NCKAP5: variants seen among roughly 807,000 people sequenced by gnomAD.
The protein encoded by NCKAP5 is NCK associated protein 5.
NCKAP5 carries 92 observed loss-of-function variants against 167.0 expected under a neutral mutation model. The ratio of observed to expected loss-of-function variants is 0.55; its 90% confidence interval spans 0.47 to 0.66. NCKAP5 has a LOEUF of 0.66. Among genes scored for constraint, NCKAP5 ranks in the 30% least tolerant of loss-of-function variants. The pLI, the probability that NCKAP5 is intolerant of heterozygous loss-of-function variation, is 0.00. For synonymous variants in NCKAP5, 891 were observed against 877.4 expected (o/e 1.02, Z -0.27); for missense variants, 2,378 against 2,315.0 (o/e 1.03, Z -0.56).
the NCKAP5 span, among the ~76,000 whole-genome samples, chr2:133,600,525 A>G: frequency 6.6e-6 from 1 of 152,248 alleles, no homozygotes; most frequent in Non-Finnish European, 1.5e-5. Context: ...ACTGGAGCAG[A>G]GCTGACTGCG....
chr2:133,652,563 T>C, the NCKAP5 span, among the ~76,000 whole-genome samples: 120 of 152,356 alleles, frequency 7.9e-4, no homozygotes, highest in African/African-American at 2.8e-3. Flanking sequence ...GTAGTATGCA[T>C]TCTTGGTAGC....
chr2:132,788,984 T>A (rs1406886816), intron 13 of NCKAP5, among the ~76,000 whole-genome samples: 1 of 152,112 alleles, frequency 6.6e-6, no homozygotes, highest in Non-Finnish European at 1.5e-5. Context: ...GTACTGGTAC[T>A]CCATGACCAT....
At chr2:133,467,511 G>T (rs1284768239) in intron 3 of NCKAP5, among the ~76,000 whole-genome samples, 2 of 150,920 alleles carry the variant, frequency 1.3e-5, no homozygotes, top group Non-Finnish European at 3.0e-5. Context: ...GTATCAGAAT[G>T]ATGCTGGCCT....
intron 3 of NCKAP5, among the ~76,000 whole-genome samples, chr2:133,421,501 G>C (rs1312711979): frequency 6.6e-6 from 1 of 152,206 alleles, no homozygotes; most frequent in Non-Finnish European, 1.5e-5. Context: ...AGAAGGGAGA[G>C]AGATTCAAAT....
At chr2:132,758,309 T>C (rs1274427536) in intron 16 of NCKAP5, among the ~76,000 whole-genome samples, 2 of 152,172 alleles carry the variant, frequency 1.3e-5, no homozygotes, top group African/African-American at 2.4e-5. Flanking sequence ...GTTCTTACAA[T>C]AGGGACAGTG....
intron 6 of NCKAP5, among the ~76,000 whole-genome samples, chr2:133,085,171 T>C (rs2080944706): frequency 6.6e-6 from 1 of 152,130 alleles, no homozygotes; most frequent in South Asian, 2.1e-4. Flanking sequence ...CAGTATTTGA[T>C]AGAGCTCATA....
At chr2:133,441,453 C>T (rs921680751) in intron 3 of NCKAP5, among the ~76,000 whole-genome samples, 5 of 152,162 alleles carry the variant, frequency 3.3e-5, no homozygotes, top group Non-Finnish European at 7.3e-5. Context: ...AGCAGATGGA[C>T]TAGGTCAGCA....
rs1446472847 is a variant in NCKAP5 at position 132,785,198 on chromosome 2, G to A, written c.1613C>T (p.Thr538Ile). Residue 538 changes from threonine to isoleucine, a missense_variant, in exon 14 of 20, where the codon ACA (threonine) becomes ATA (isoleucine). Coordinates refer to ENST00000409261, the MANE Select transcript of NCKAP5 (RefSeq NM_207363.3). ...TAAGGGACAGCTGCTGGCGCAACTTGTCAGCTTTTCAGGCCTTTCCTTGGG... is the reference window on the plus strand; with the variant it reads ...TAAGGGACAGCTGCTGGCGCAACTTATCAGCTTTTCAGGCCTTTCCTTGGG... ...VYPKERPEKL[T>I]SCASSCPLEM... 6.3e-7 allele frequency: 1 copy of A among 1,577,514 alleles called. No homozygotes were observed. Among genetic ancestry groups the A allele is most frequent in the Non-Finnish European group, 8.6e-7 (1 of 1,163,972 alleles).
intron 8 of NCKAP5, among the ~76,000 whole-genome samples, chr2:132,880,263 T>C (rs934260953): frequency 6.6e-6 from 1 of 152,088 alleles, no homozygotes; most frequent in African/African-American, 2.4e-5. Flanking sequence ...CAGAGTAGGG[T>C]GACTATAGCT....
At chr2:132,694,468 C>G in intron 19 of NCKAP5, among the ~76,000 whole-genome samples, 1 of 109,958 alleles carries the variant, frequency 9.1e-6, no homozygotes, top group South Asian at 3.1e-4. Context: ...GTACTTGGCC[C>G]AAAACTTTTA....
At chr2:133,391,459 T>C (rs145828661) in intron 3 of NCKAP5, 1 of 152,302 alleles carries the variant, frequency 6.6e-6, no homozygotes, top group East Asian at 1.9e-4. Flanking sequence ...ACTATCTGAC[T>C]ACATGTAAGA....
intron 11 of NCKAP5, among the ~76,000 whole-genome samples, chr2:132,833,620 T>C (rs949717939): frequency 6.6e-6 from 1 of 152,224 alleles, no homozygotes; most frequent in African/African-American, 2.4e-5. Context: ...CAAAAGAGTG[T>C]TCTTTATCCA....
chr2:133,067,547 G>A (rs959274581), intron 6 of NCKAP5, among the ~76,000 whole-genome samples: 5 of 152,304 alleles, frequency 3.3e-5, no homozygotes, highest in Non-Finnish European at 7.3e-5. Context: ...TGATGTCTGA[G>A]GAAATCCAAT....
At chr2:133,294,975 G>A (rs939858632) in intron 4 of NCKAP5, among the ~76,000 whole-genome samples, 8 of 152,126 alleles carry the variant, frequency 5.3e-5, no homozygotes, top group African/African-American at 1.9e-4. Flanking sequence ...CAGTTCCCCC[G>A]CCTTGGGAAG....
At chr2:133,634,514 T>C in the NCKAP5 span, among the ~76,000 whole-genome samples, 4 of 152,278 alleles carry the variant, frequency 2.6e-5, no homozygotes, top group South Asian at 6.2e-4. Context: ...ACCTTAGAAA[T>C]AATTATCTTG....
At chr2:132,863,078 C>T (rs1384599579) in intron 10 of NCKAP5, among the ~76,000 whole-genome samples, 1 of 152,060 alleles carries the variant, frequency 6.6e-6, no homozygotes, top group Non-Finnish European at 1.5e-5. Flanking sequence ...CCTTGGCCTC[C>T]CAAAGTGCTG....
chr2:132,928,023 C>T (rs1380525646), intron 8 of NCKAP5, among the ~76,000 whole-genome samples: 1 of 152,124 alleles, frequency 6.6e-6, no homozygotes, highest in Non-Finnish European at 1.5e-5. Flanking sequence ...TCTTGTCCTT[C>T]CCATATGCTT....
intron 5 of NCKAP5, among the ~76,000 whole-genome samples, chr2:133,136,291 T>A (rs1308153200): frequency 1.3e-5 from 2 of 152,228 alleles, no homozygotes; most frequent in African/African-American, 2.4e-5. Flanking sequence ...AGTTGGTGAT[T>A]CTCATTATAT....
At chr2:133,641,058 G>A in the NCKAP5 span, among the ~76,000 whole-genome samples, 1 of 152,182 alleles carries the variant, frequency 6.6e-6, no homozygotes, top group East Asian at 1.9e-4. Context: ...TAGATAAAGT[G>A]ACAATTAAAC....
Sources: allele counts gnomAD v4.1 joint callset (sites outside exome capture counted in the v4.1 genomes callset), GRCh38; gene constraint gnomAD v4.1.1; transcripts MANE v1.5; gene names NCBI Gene and HGNC (gene_info 2026-07-23, HGNC 2026-07-21).